Variants in GNG2 observed in about 807,000 individuals in gnomAD.
GNG2 encodes guanine nucleotide-binding protein G(I)/G(S)/G(O) subunit gamma-2.
A neutral mutation model predicts 5.5 loss-of-function variants in GNG2; 5 were observed. The ratio of observed to expected loss-of-function variants is 0.91; its 90% CI spans 0.48 to 1.92. The LOEUF (loss-of-function observed/expected upper bound fraction) is 1.92, where lower values mean the gene tolerates loss of function less well. Among genes scored for constraint, GNG2 ranks in the 30% most tolerant of loss-of-function variants. GNG2 has a pLI of 0.01. For missense variants in GNG2, 55 were observed against 88.4 expected, an observed-to-expected ratio of 0.62 and a Z score of 1.52; for synonymous variants, 28 against 32.0, an observed-to-expected ratio of 0.88 and a Z score of 0.42.
upstream of GNG2, among the ~76,000 whole-genome samples, chr14:51,857,894 C>T (rs918114024): frequency 6.6e-5 from 10 of 152,186 alleles, no homozygotes; most frequent in Admixed American, 2.0e-4. Context: ...TTAAACATAA[C>T]TCCAAGGAAC....
At chr14:51,855,296 G>A (rs1313994963) in intron 2 of GNG2, among the ~76,000 whole-genome samples, 1 of 152,146 alleles carries the variant, frequency 6.6e-6, no homozygotes, top group Non-Finnish European at 1.5e-5. Flanking sequence ...GCTGGGCCGT[G>A]AGACAGAGAC....
intron 2 of GNG2, among the ~76,000 whole-genome samples, chr14:51,905,424 A>C (rs4901173): frequency 0.1 from 15,520 of 152,254 alleles, 1,405 homozygotes; most frequent in African/African-American, 0.24. Flanking sequence ...CATCTGTGTT[A>C]AAATTGCAAT....
chr14:51,962,761 A>G (rs1434372425), intron 3 of GNG2, among the ~76,000 whole-genome samples: 1 of 152,190 alleles, frequency 6.6e-6, no homozygotes, highest in Non-Finnish European at 1.5e-5. Context: ...AGGCATACGA[A>G]TGTAGAAGAA....
intron 2 of GNG2, among the ~76,000 whole-genome samples, chr14:51,917,968 C>T (rs1886751463): frequency 6.7e-6 from 1 of 150,082 alleles, no homozygotes; most frequent in African/African-American, 2.5e-5. Context: ...GGAGGTTGCA[C>T]TGCGCCGAGA....
intron 2 of GNG2, among the ~76,000 whole-genome samples, chr14:51,852,864 C>T (rs1366445183): frequency 2.0e-5 from 3 of 152,268 alleles, no homozygotes; most frequent in Non-Finnish European, 4.4e-5. Flanking sequence ...ATTGACAACG[C>T]TTTCCTTCAT....
chr14:51,916,446 G>T (rs763532533), intron 2 of GNG2: 10 of 453,058 alleles, frequency 2.2e-5, no homozygotes, highest in Non-Finnish European at 4.4e-5. Context: ...TTCATATTTC[G>T]GTCTCTAGGA....
rs958745006 is a variant in GNG2, at chr14:51,969,692, G to A, written c.*3005G>A. On this transcript the variant is annotated 3_prime_UTR_variant, in exon 4 of 4. Transcript: ENST00000556766. ...ATCTGTGGAGTGTGTGTTTCAAAGA[G>A]AGAACTACAGAAATGTTAAAGCAGG... The A allele has an allele frequency of 6.6e-6, 1 of 152,194 alleles. No individual in the cohort carries two copies. Among genetic ancestry groups the A allele is most frequent in the Non-Finnish European group, 1.5e-5 (1 of 68,040 alleles). The allele number at this position is 152,194 out of a possible 1,614,324, so 9.4% of individuals were successfully genotyped here. A position where few individuals can be genotyped will look rare whatever the true frequency, so the allele number is the denominator to read the frequency against.
intron 2 of GNG2, among the ~76,000 whole-genome samples, chr14:51,829,847 T>TTC (rs1881134657): frequency 2.4e-5 from 1 of 41,624 alleles, no homozygotes; most frequent in Admixed American, 2.6e-4. Flanking sequence ...TACTTCTTCT[T>TTC]TTTTTTTTTT....
intron 1 of GNG2, among the ~76,000 whole-genome samples, chr14:51,826,736 G>A (rs1384314936): frequency 1.3e-5 from 2 of 152,162 alleles, no homozygotes; most frequent in Non-Finnish European, 2.9e-5. Flanking sequence ...TGGGACCAAC[G>A]TTACTTGCTG....
At chr14:51,947,021 GT>G (rs1273798559) in intron 2 of GNG2, among the ~76,000 whole-genome samples, 14 of 152,150 alleles carry the variant, frequency 9.2e-5, no homozygotes, top group African/African-American at 3.4e-4. Flanking sequence ...AACATTCAGG[GT>G]GTAGCTGCCT....
intron 2 of GNG2, among the ~76,000 whole-genome samples, chr14:51,926,099 G>A (rs924340134): frequency 1.3e-5 from 2 of 151,390 alleles, no homozygotes; most frequent in African/African-American, 2.4e-5. Flanking sequence ...ACATTGAGAC[G>A]GTAAAGTGTC....
intron 3 of GNG2, among the ~76,000 whole-genome samples, chr14:51,958,032 GT>G (rs761637247): frequency 2.8e-4 from 43 of 152,188 alleles, no homozygotes; most frequent in Admixed American, 7.8e-4. Context: ...AAACCTATTT[GT>G]TTTCTTTTTG....
intron 3 of GNG2, chr14:51,952,091 C>A: frequency 1.7e-6 from 1 of 592,612 alleles, no homozygotes; most frequent in Non-Finnish European, 3.0e-6. Context: ...TTGAGAACCA[C>A]TGTCCTATGG....
At chr14:51,899,347 G>A (rs1336237685) in intron 2 of GNG2, among the ~76,000 whole-genome samples, 1 of 152,134 alleles carries the variant, frequency 6.6e-6, no homozygotes, top group Non-Finnish European at 1.5e-5. Context: ...TCCCTAGCTG[G>A]GATGGAACTG....
intron 2 of GNG2, among the ~76,000 whole-genome samples, chr14:51,908,395 A>T (rs1886070736): frequency 6.6e-6 from 1 of 152,204 alleles, no homozygotes; most frequent in Non-Finnish European, 1.5e-5. Context: ...GTCATCTTGG[A>T]GGCTGGCTAC....
chr14:51,887,702 G>A (rs534801977), intron 2 of GNG2, among the ~76,000 whole-genome samples: 1 of 152,146 alleles, frequency 6.6e-6, no homozygotes, highest in Non-Finnish European at 1.5e-5. Context: ...TGAAGTTAGC[G>A]TAATACTGAC....
chr14:51,837,437 G>A (rs1881362273), intron 2 of GNG2, among the ~76,000 whole-genome samples: 1 of 151,988 alleles, frequency 6.6e-6, no homozygotes, highest in South Asian at 2.1e-4. Context: ...CTGAGGTCAG[G>A]ATTTGGAGAC....
chr14:51,844,111 C>T (rs771584583), intron 2 of GNG2, among the ~76,000 whole-genome samples: 4 of 152,224 alleles, frequency 2.6e-5, no homozygotes, highest in Non-Finnish European at 5.9e-5. Flanking sequence ...AGATATTCAA[C>T]CAGTTTGATT....
At chr14:51,949,654 C>T (rs183571057) in intron 2 of GNG2, among the ~76,000 whole-genome samples, 1 of 152,164 alleles carries the variant, frequency 6.6e-6, no homozygotes, top group East Asian at 1.9e-4. Flanking sequence ...TTGCTTTATC[C>T]AATAGGATAT....
Sources: allele counts gnomAD v4.1 joint callset (sites outside exome capture counted in the v4.1 genomes callset), GRCh38; gene constraint gnomAD v4.1.1; transcripts MANE v1.5; gene names NCBI Gene and HGNC (gene_info 2026-07-23, HGNC 2026-07-21).